The following MSR1 variants were observed in gnomAD, a reference collection of about 807,000 sequenced individuals.
The protein encoded by MSR1 is macrophage scavenger receptor types I and II.
MSR1 carries 53 observed loss-of-function variants against 47.2 expected under a neutral mutation model. The observed-to-expected ratio is 1.12, with a 90% CI of 0.90 to 1.41. The LOEUF is 1.41. Ranked by LOEUF, MSR1 falls within the 40% of genes most tolerant of loss-of-function variation. The pLI is 0.00. For synonymous variants in MSR1, 239 were observed against 185.6 expected, an observed-to-expected ratio of 1.29 and a Z score of -2.34; for missense variants, 786 against 546.9, an observed-to-expected ratio of 1.44 and a Z score of -4.36.
At chr8:16,166,850 C>T (rs759874080) in intron 4 of MSR1, among the ~76,000 whole-genome samples, 7 of 152,028 alleles carry the variant, frequency 4.6e-5, no homozygotes, top group Non-Finnish European at 8.8e-5. Context: ...TTTATTCCTA[C>T]ATTGAGCTAA....
intron 1 of MSR1, among the ~76,000 whole-genome samples, chr8:16,184,705 A>C (rs1026777618): frequency 6.6e-6 from 1 of 152,188 alleles, no homozygotes; most frequent in Admixed American, 6.6e-5. Flanking sequence ...TTAGTGAGAC[A>C]ATATATATTG....
intron 8 of MSR1, among the ~76,000 whole-genome samples, chr8:16,128,789 C>A (rs1385720933): frequency 2.6e-5 from 4 of 152,016 alleles, no homozygotes. Context: ...AAAATAATCA[C>A]TTTGTCCCTA....
chr8:16,191,971 G>T (rs925336850), intron 1 of MSR1, among the ~76,000 whole-genome samples: 1 of 152,014 alleles, frequency 6.6e-6, no homozygotes, highest in Non-Finnish European at 1.5e-5. Flanking sequence ...ACTACTTAAG[G>T]TGCTAGTAAT....
At chr8:16,169,487 G>C (rs143358236) in intron 3 of MSR1, among the ~76,000 whole-genome samples, 1 of 152,044 alleles carries the variant, frequency 6.6e-6, no homozygotes, top group African/African-American at 2.4e-5. Flanking sequence ...ATAAAGGTAC[G>C]ATTCTCATAA....
chr8:16,143,268 T>C (rs538948996), intron 8 of MSR1, among the ~76,000 whole-genome samples: 1 of 152,278 alleles, frequency 6.6e-6, no homozygotes, highest in Admixed American at 6.5e-5. Flanking sequence ...CCTTAGTGGA[T>C]AGAAATTGAC....
At chr8:16,117,909 G>A (rs899940763) in intron 9 of MSR1, among the ~76,000 whole-genome samples, 9 of 152,158 alleles carry the variant, frequency 5.9e-5, no homozygotes, top group Admixed American at 2.0e-4. Flanking sequence ...GAAATAATGT[G>A]CACAATAAAT....
At position 16,180,004 on chromosome 8, in the gene MSR1, T is replaced by C. The variant is rs189341487; in HGVS notation, c.-4-2012A>G. Among the ~76,000 whole-genome samples the C allele has an allele frequency of 7.8e-4, 119 of 152,080 alleles. 1 individual carries two copies. The East Asian group carries it at 0.02, about 25-fold the overall frequency. On this transcript the variant is annotated intron_variant, in intron 1 of 9. Transcript: ENST00000262101. ...CAATCTCAGCTCACTGCTACCATGTTGTCCAGGCTGATCTTGAACTCCTGA... is the reference window on the plus strand; with the variant it reads ...CAATCTCAGCTCACTGCTACCATGTCGTCCAGGCTGATCTTGAACTCCTGA...
intron 8 of MSR1, among the ~76,000 whole-genome samples, chr8:16,133,187 T>A (rs541023602): frequency 1.3e-5 from 2 of 152,174 alleles, no homozygotes; most frequent in Non-Finnish European, 2.9e-5. Context: ...CAACATAAGC[T>A]CCATCAAGTT....
rs1162319738 is a variant in MSR1, at chr8:16,139,747, TAAAAAAAAAAAAAAAAAAA to T, written c.1033+3792_1033+3810del. The T allele has an allele frequency of 2.7e-5, 4 of 146,616 alleles. No individual in the cohort carries two copies. In the African/African-American group the frequency reaches 4.4e-4, roughly 16 times the overall value. The allele number at this position is 146,616 out of a possible 1,614,324, so 9.1% of individuals were successfully genotyped here. A position where few individuals can be genotyped will look rare whatever the true frequency, so the allele number is the denominator to read the frequency against. ...CCAAGCTCGACTACACTTCAAAACT[TAAAAAAAAAAAAAAAAAAA>T]AAAAAAAAATATATATATATATATA... On this transcript the variant is annotated intron_variant, in intron 8 of 9. Coordinates refer to ENST00000262101, the MANE Select transcript of MSR1 (RefSeq NM_138715.3).
At chr8:16,183,226 A>G (rs1432817514) in intron 1 of MSR1, among the ~76,000 whole-genome samples, 2 of 151,972 alleles carry the variant, frequency 1.3e-5, no homozygotes, top group African/African-American at 4.8e-5. Flanking sequence ...TTCTGCCTCC[A>G]TTTTTACTGA....
chr8:16,148,782 C>A (rs771782797), intron 7 of MSR1, among the ~76,000 whole-genome samples: 4 of 152,070 alleles, frequency 2.6e-5, no homozygotes, highest in Non-Finnish European at 4.4e-5. Context: ...GCAACCAAAG[C>A]GTCCTTCAGT....
intron 1 of MSR1, among the ~76,000 whole-genome samples, chr8:16,182,784 C>A (rs1801873257): frequency 6.6e-6 from 1 of 152,082 alleles, no homozygotes; most frequent in Non-Finnish European, 1.5e-5. Flanking sequence ...AAGGACATAC[C>A]TGAGGCTGCT....
chr8:16,175,232 G>C lies in MSR1; in HGVS notation c.172C>G (p.Leu58Val). Residue 58 changes from leucine to valine, a missense_variant, in exon 3 of 10, where the codon CTC becomes GTC. By Grantham distance (32) the Leu-to-Val change is conservative. Coordinates refer to ENST00000262101, the MANE Select transcript of MSR1 (RefSeq NM_138715.3). ...SFKAALIALY[L>V]LVFAVLIPLI... is the part of the protein sequence containing the mutation. ...GGGATGAGAACTGCAAACACGAGGA[G>C]GTAAAGGGCAATCAGTGCAGCTTTG... The C allele has an allele frequency of 1.9e-6, 3 of 1,614,040 alleles. No homozygotes were observed. Among genetic ancestry groups the C allele is most frequent in the Non-Finnish European group, 2.5e-6 (3 of 1,179,980 alleles).
At chr8:16,160,938 AT>A (rs149381204) in intron 5 of MSR1, among the ~76,000 whole-genome samples, 1 of 151,912 alleles carries the variant, frequency 6.6e-6, no homozygotes, top group Non-Finnish European at 1.5e-5. Context: ...ATGAGAAGAC[AT>A]TGGAGGATTT....
At chr8:16,140,683 G>A in intron 8 of MSR1, 3 of 1,307,890 alleles carry the variant, frequency 2.3e-6, no homozygotes, top group East Asian at 3.1e-5. Flanking sequence ...TAGGTCAATG[G>A]GTGGCAGAGA....
chr8:16,148,036 C>A (rs1367946388), intron 7 of MSR1, among the ~76,000 whole-genome samples: 2 of 152,222 alleles, frequency 1.3e-5, no homozygotes, highest in African/African-American at 4.8e-5. Flanking sequence ...CCAACACCTA[C>A]AATAGTTTTA....
chr8:16,128,029 C>T (rs377149403), intron 8 of MSR1, among the ~76,000 whole-genome samples: 2 of 152,086 alleles, frequency 1.3e-5, no homozygotes, highest in Non-Finnish European at 2.9e-5. Context: ...TGTAAATACA[C>T]AATATTGGCA....
At chr8:16,185,012 A>C (rs1423955811) in intron 1 of MSR1, among the ~76,000 whole-genome samples, 1 of 152,088 alleles carries the variant, frequency 6.6e-6, no homozygotes, top group African/African-American at 2.4e-5. Context: ...TGAACACTGA[A>C]GCATACTCAG....
intron 8 of MSR1, among the ~76,000 whole-genome samples, chr8:16,134,682 G>T (rs117480445): frequency 0.016 from 2,470 of 152,248 alleles, 46 homozygotes; most frequent in Non-Finnish European, 0.024. Context: ...AGCTACACAT[G>T]ATAAACCTTA....
Sources: allele counts gnomAD v4.1 joint callset (sites outside exome capture counted in the v4.1 genomes callset), GRCh38; gene constraint gnomAD v4.1.1; transcripts MANE v1.5; gene names NCBI Gene and HGNC (gene_info 2026-07-23, HGNC 2026-07-21).